TXLNB: variants seen among roughly 807,000 people sequenced by gnomAD.
TXLNB encodes the protein taxilin beta, also known as beta-taxilin.
In TXLNB, 37 loss-of-function variants were observed where a neutral mutation model predicts 57.4. The ratio of observed to expected loss-of-function variants is 0.64; its 90% CI spans 0.50 to 0.85. The LOEUF (loss-of-function observed/expected upper bound fraction) is 0.85. TXLNB is among the 40% of genes least tolerant of loss of function. The pLI, the probability that TXLNB is intolerant of heterozygous loss-of-function variation, is 0.00. For missense variants in TXLNB, 848 were observed against 825.6 expected, an observed-to-expected ratio of 1.03 and a Z score of -0.33; for synonymous variants, 302 against 309.6, an observed-to-expected ratio of 0.98 and a Z score of 0.26.
intron 7 of TXLNB, 141 bp downstream of exon 7, chr6:139,255,423 G>A (rs1776310512): frequency 1.4e-6 from 1 of 714,236 alleles, no homozygotes; most frequent in South Asian, 1.5e-5. Context: ...ATGAATAAAT[G>A]TGAAGTTGTT....
chr6:139,166,651 GCCT>G, the TXLNB span: 2 of 1,614,132 alleles, frequency 1.2e-6, no homozygotes, highest in Non-Finnish European at 1.7e-6. Flanking sequence ...ACACAGGGAG[GCCT>G]CCTGGTGAGG....
the TXLNB span, among the ~76,000 whole-genome samples, chr6:139,307,052 T>C: frequency 6.6e-6 from 1 of 152,216 alleles, no homozygotes; most frequent in Non-Finnish European, 1.5e-5. Context: ...GATTCTACTA[T>C]TAGATGTTTT....
the TXLNB span, among the ~76,000 whole-genome samples, chr6:139,234,990 A>G: frequency 6.6e-6 from 1 of 152,256 alleles, no homozygotes; most frequent in Non-Finnish European, 1.5e-5. Context: ...GATGTGAGAC[A>G]TGGAGTCAAA....
At chr6:139,265,910 G>C (rs1288829021) in intron 4 of TXLNB, among the ~76,000 whole-genome samples, 1 of 152,122 alleles carries the variant, frequency 6.6e-6, no homozygotes, top group Non-Finnish European at 1.5e-5. Flanking sequence ...CAACAGTGAG[G>C]GGAAGATCAC....
At position 139,240,653 on chromosome 6, in the gene TXLNB, C is replaced by T; in HGVS notation, c.*1873G>A. On this transcript the variant is annotated 3_prime_UTR_variant, in exon 10 of 10. Coordinates refer to ENST00000358430, the MANE Select transcript of TXLNB (RefSeq NM_153235.4). ...CAGTAATGTTGAATTTGGCTGGATA[C>T]CCTGTGGTTATAATATTTTAAGCCT... 6.6e-6 allele frequency: 1 copy of T among 152,622 alleles called. No homozygotes were observed. The highest frequency in any genetic ancestry group is 1.9e-4 in the East Asian group (1 of 5,198). 9.5% of individuals were successfully genotyped at this position (152,622 alleles called of 1,614,324 possible). A position where few individuals can be genotyped will look rare whatever the true frequency, so the allele number is the denominator to read the frequency against.
At chr6:139,175,034 T>C in the TXLNB span, among the ~76,000 whole-genome samples, 1 of 152,224 alleles carries the variant, frequency 6.6e-6, no homozygotes, top group Admixed American at 6.5e-5. Flanking sequence ...AGTACAGTTA[T>C]CCAGGAATTG....
chr6:139,272,180 A>G (rs1776782275), intron 3 of TXLNB, among the ~76,000 whole-genome samples: 1 of 152,050 alleles, frequency 6.6e-6, no homozygotes, highest in Admixed American at 6.6e-5. Context: ...GGTGGTATGC[A>G]CCTGTAATCC....
At chr6:139,302,050 G>A in the TXLNB span, among the ~76,000 whole-genome samples, 6 of 152,006 alleles carry the variant, frequency 3.9e-5, no homozygotes, top group African/African-American at 1.2e-4. Flanking sequence ...TTGAAACTAC[G>A]ATGCTTTATT....
At chr6:139,299,137 T>C in the TXLNB span, among the ~76,000 whole-genome samples, 1 of 152,202 alleles carries the variant, frequency 6.6e-6, no homozygotes, top group South Asian at 2.1e-4. Context: ...AGACAATCTG[T>C]GTTGCCATTG....
At chr6:139,218,442 G>A in the TXLNB span, among the ~76,000 whole-genome samples, 257 of 152,266 alleles carry the variant, frequency 1.7e-3, no homozygotes, top group African/African-American at 6.0e-3. Context: ...CTGCAAAGCA[G>A]CAATTTTGTG....
intron 6 of TXLNB, among the ~76,000 whole-genome samples, chr6:139,258,434 A>G (rs1231304742): frequency 6.6e-6 from 1 of 152,214 alleles, no homozygotes; most frequent in Non-Finnish European, 1.5e-5. Flanking sequence ...ATTGTGAATA[A>G]TAATTGAATG....
chr6:139,253,646 T>C (rs1776264753), intron 7 of TXLNB, among the ~76,000 whole-genome samples: 1 of 152,100 alleles, frequency 6.6e-6, no homozygotes, highest in Non-Finnish European at 1.5e-5. Context: ...CCCTGGTTGA[T>C]GGTTTTTTAA....
chr6:139,312,609 CTGAG>C, the TXLNB span, among the ~76,000 whole-genome samples: 1 of 152,100 alleles, frequency 6.6e-6, no homozygotes, highest in Non-Finnish European at 1.5e-5. Flanking sequence ...ACCCCTAGGC[CTGAG>C]TGGAGTTAGC....
the TXLNB span, among the ~76,000 whole-genome samples, chr6:139,226,193 G>T: frequency 6.6e-6 from 1 of 151,298 alleles, no homozygotes; most frequent in Non-Finnish European, 1.5e-5. Context: ...AGCTACTCGG[G>T]AGGCTGAGGT....
chr6:139,209,753 C>T, the TXLNB span, among the ~76,000 whole-genome samples: 1 of 152,048 alleles, frequency 6.6e-6, no homozygotes, highest in African/African-American at 2.4e-5. Context: ...AGACCTGAAA[C>T]CATAAAAATT....
the TXLNB span, among the ~76,000 whole-genome samples, chr6:139,209,124 C>T: frequency 6.6e-6 from 1 of 152,126 alleles, no homozygotes; most frequent in Non-Finnish European, 1.5e-5. Flanking sequence ...ACACAAATCA[C>T]TAATCCTACT....
the TXLNB span, chr6:139,176,934 C>T: frequency 1.2e-6 from 1 of 866,558 alleles, no homozygotes; most frequent in South Asian, 1.3e-5. The surrounding 1 kb of genome is among the most constrained non-coding windows in gnomAD (Gnocchi z 4.5). Context: ...GTGTCTGTTT[C>T]CCCCAGGCCC....
intron 2 of TXLNB, 37 bp from the exon 3 acceptor site, chr6:139,276,958 AT>A: frequency 6.6e-7 from 1 of 1,510,674 alleles, no homozygotes; most frequent in Non-Finnish European, 9.0e-7. Flanking sequence ...TAAGTGTTGA[AT>A]TTACAGTCAG....
At chr6:139,280,276 G>GAAAAAA (rs1777014267) in intron 2 of TXLNB, among the ~76,000 whole-genome samples, 1 of 117,360 alleles carries the variant, frequency 8.5e-6, no homozygotes, top group African/African-American at 3.0e-5. Flanking sequence ...AAAAAAAAAA[G>GAAAAAA]AAAGAAAGAA....
Sources: gnomAD v4.1 joint callset for allele counts (sites outside exome capture counted in the v4.1 genomes callset) on GRCh38, gnomAD v4.1.1 for gene constraint, Gnocchi (gnomAD v3.1) non-coding constraint, MANE v1.5 for transcripts, NCBI Gene and HGNC (gene_info 2026-07-23, HGNC 2026-07-21) for gene names.